TMEM41B: variants seen among roughly 807,000 people sequenced by gnomAD.
The protein encoded by TMEM41B is protein stasimon.
A neutral mutation model predicts 31.9 loss-of-function variants in TMEM41B; 18 were observed. That is an observed-to-expected ratio of 0.56 (90% CI 0.39 to 0.84). The LOEUF (loss-of-function observed/expected upper bound fraction) is 0.84, where lower values mean the gene tolerates loss of function less well. Ranked by LOEUF, TMEM41B falls within the 40% of genes least tolerant of loss-of-function variation. The pLI is 0.00. For synonymous variants in TMEM41B, 144 were observed against 124.3 expected (o/e 1.16, Z -1.05); for missense variants, 322 against 348.0 (o/e 0.93, Z 0.59).
intron 3 of TMEM41B, among the ~76,000 whole-genome samples, chr11:9,293,615 G>A (rs142060350): frequency 3.7e-4 from 56 of 151,486 alleles, no homozygotes; most frequent in African/African-American, 1.4e-3. Flanking sequence ...ATGGAATCTT[G>A]CTGTCACCAA....
chr11:9,314,203 G>A (rs12793955), intron 1 of TMEM41B, 118 bp downstream of exon 1: 24 of 1,306,622 alleles, frequency 1.8e-5, no homozygotes, highest in Non-Finnish European at 2.4e-5. Context: ...CTCCCGCCGC[G>A]GCGCCAGCAG....
intron 6 of TMEM41B, among the ~76,000 whole-genome samples, chr11:9,285,250 A>G (rs1852811308): frequency 6.6e-6 from 1 of 151,982 alleles, no homozygotes; most frequent in Admixed American, 6.6e-5. Context: ...ACATTCAGCT[A>G]ATTTTTGAAT....
intron 2 of TMEM41B, 39 bp from the exon 3 acceptor site, chr11:9,295,426 G>T: frequency 2.3e-6 from 3 of 1,280,352 alleles, no homozygotes; most frequent in Non-Finnish European, 3.3e-6. Context: ...ACAGAATTTT[G>T]CCAAGATAAT....
chr11:9,282,934 A>G lies in TMEM41B; in HGVS notation c.*490T>C, dbSNP rs1287700525. The G allele has an allele frequency of 1.5e-5, 1 of 68,452 alleles. No homozygotes were observed. Among genetic ancestry groups the G allele is most frequent in the East Asian group, 3.6e-4 (1 of 2,788 alleles). 4.2% of individuals were successfully genotyped at this position (68,452 alleles called of 1,614,324 possible). On this transcript the variant is annotated 3_prime_UTR_variant, in exon 7 of 7. Coordinates refer to ENST00000528080, the MANE Select transcript of TMEM41B (RefSeq NM_015012.4). ...GGGCGGCAGAGCTAGACTCCGTCTCAAAACAGAAAAAAAAAAAAAAAAAAA... is the reference window on the plus strand; with the variant it reads ...GGGCGGCAGAGCTAGACTCCGTCTCGAAACAGAAAAAAAAAAAAAAAAAAA...
intron 1 of TMEM41B, among the ~76,000 whole-genome samples, chr11:9,305,655 G>C (rs28599480): frequency 6.6e-6 from 1 of 152,006 alleles, no homozygotes; most frequent in Non-Finnish European, 1.5e-5. Flanking sequence ...ACTTCTTAAA[G>C]GTATGCTACT....
chr11:9,309,909 C>A (rs1194068147), intron 1 of TMEM41B, among the ~76,000 whole-genome samples: 1 of 141,088 alleles, frequency 7.1e-6, no homozygotes, highest in Non-Finnish European at 1.5e-5. Flanking sequence ...GGTGACAGAG[C>A]AAGACTCCAT....
chr11:9,297,893 T>A (rs950321599), intron 2 of TMEM41B, among the ~76,000 whole-genome samples: 1 of 150,162 alleles, frequency 6.7e-6, no homozygotes, highest in Non-Finnish European at 1.5e-5. Flanking sequence ...GCACCCACCC[T>A]GTCTCTACAA....
Position 9,283,264 on chromosome 11 carries a change from C to T in TMEM41B, c.*160G>A. On this transcript the variant is annotated 3_prime_UTR_variant, in exon 7 of 7. Coordinates refer to ENST00000528080, the MANE Select transcript of TMEM41B (RefSeq NM_015012.4). ...CAATTTCCATTTTTACTTTCTTCTC[C>T]CCTTGTCACTTAAATGTATTACTTT... 5.1e-6 allele frequency: 3 copies of T among 585,456 alleles called. No individual in the cohort carries two copies. Among genetic ancestry groups the T allele is most frequent in the Non-Finnish European group, 8.6e-6 (3 of 347,364 alleles). 36.3% of individuals were successfully genotyped at this position (585,456 alleles called of 1,614,324 possible).
intron 6 of TMEM41B, among the ~76,000 whole-genome samples, chr11:9,284,654 T>G (rs890915987): frequency 6.6e-6 from 1 of 151,776 alleles, no homozygotes; most frequent in East Asian, 1.9e-4. Flanking sequence ...TCCCAGCTAC[T>G]TGGGAGGCTG....
In TMEM41B at chr11:9,302,082, C is replaced by T. The variant is rs935269741; in HGVS notation, c.122-2381G>A. The stretch of plus-strand genomic sequence containing the variant: ...AGTGCAGTGGCACAATCTCAGCTCA[C>T]TGCAACCTCCGCCTCCCGGGTTCAC... On this transcript the variant is annotated intron_variant, in intron 1 of 6. Transcript: ENST00000528080. Among the ~76,000 whole-genome samples, 10 of 126,740 alleles carry T rather than the reference C, an allele frequency of 7.9e-5. 1 individual carries two copies. The highest frequency in any genetic ancestry group is 2.1e-4 in the African/African-American group (7 of 32,698). The allele number at this position is 126,740 out of a possible 152,430, so 83.1% of individuals were successfully genotyped here.
At chr11:9,309,226 A>G (rs1386118239) in intron 1 of TMEM41B, among the ~76,000 whole-genome samples, 2 of 148,042 alleles carry the variant, frequency 1.4e-5, no homozygotes, top group Non-Finnish European at 3.0e-5. Flanking sequence ...AGCCTGGGCA[A>G]AAAGAGTGAA....
intron 1 of TMEM41B, among the ~76,000 whole-genome samples, chr11:9,309,389 C>A (rs1323852359): frequency 6.6e-6 from 1 of 151,908 alleles, no homozygotes; most frequent in Non-Finnish European, 1.5e-5. Flanking sequence ...AGTGGGTTTT[C>A]TGTCGTAGAC....
At chr11:9,292,613 C>G (rs1488579083) in intron 3 of TMEM41B, among the ~76,000 whole-genome samples, 4 of 152,010 alleles carry the variant, frequency 2.6e-5, no homozygotes, top group African/African-American at 9.7e-5. Context: ...TCACTTGAGC[C>G]CAAGAGTTCC....
chr11:9,290,293 C>T (rs1051296297), intron 3 of TMEM41B, among the ~76,000 whole-genome samples: 11 of 152,274 alleles, frequency 7.2e-5, no homozygotes, highest in Admixed American at 7.2e-4. Flanking sequence ...AGGGGAATCG[C>T]TTGAACCCAG....
intron 1 of TMEM41B, among the ~76,000 whole-genome samples, chr11:9,308,689 G>A (rs527440115): frequency 1.3e-5 from 2 of 152,272 alleles, no homozygotes; most frequent in South Asian, 4.1e-4. Context: ...AACTGATTTA[G>A]CTCTATTCCT....
chr11:9,283,592 AC>A lies in TMEM41B; in HGVS notation c.707del (p.Gly236ValfsTer8). 6.3e-7 allele frequency: 1 copy of A among 1,597,866 alleles called. No individual in the cohort carries two copies. The highest frequency in any genetic ancestry group is 8.5e-7 in the Non-Finnish European group (1 of 1,175,958). On this transcript the variant is annotated frameshift_variant and splice_region_variant, in exon 7 of 7. Coordinates refer to ENST00000528080, the MANE Select transcript of TMEM41B (RefSeq NM_015012.4). LOFTEE classifies it high-confidence loss of function. ...LKVFFIGTFL[G>X]VAPPSFVAIK... is the part of the protein sequence containing the mutation. ...TGGCTACAAAAGAAGGAGGTGCGAC[AC>A]CTGAAATAAAATATAAAAAGATACA...
At position 9,288,872 on chromosome 11, in the gene TMEM41B, A is replaced by T. The variant is rs75144095; in HGVS notation, c.369-337T>A. Among the ~76,000 whole-genome samples the T allele has an allele frequency of 6.2e-3, 940 of 152,314 alleles. 11 individuals carry two copies. Among genetic ancestry groups the T allele is most frequent in the African/African-American group, 0.022 (900 of 41,576 alleles). ...ACTCCCAAATGTTTTCAGGGAAATC[A>T]TGTACATACAATTATTTCTAATTTA... On this transcript the variant is annotated intron_variant, in intron 3 of 6. Coordinates refer to ENST00000528080, the MANE Select transcript of TMEM41B (RefSeq NM_015012.4).
At chr11:9,290,001 T>A (rs1434087449) in intron 3 of TMEM41B, among the ~76,000 whole-genome samples, 1 of 151,944 alleles carries the variant, frequency 6.6e-6, no homozygotes, top group East Asian at 1.9e-4. Context: ...AGCCTCAAAT[T>A]TTCCACCTGT....
At position 9,288,117 on chromosome 11, in the gene TMEM41B, C is replaced by T. The variant is rs571959164; in HGVS notation, c.463-311G>A. The T allele has an allele frequency of 1.5e-5, 4 of 271,250 alleles. No homozygotes were observed. The South Asian group carries it at 1.5e-4, about 10-fold the overall frequency. 16.8% of individuals were successfully genotyped at this position (271,250 alleles called of 1,614,324 possible). ...ACCTCCCCCCGACCCTACCCCCGAC[C>T]CCCCCAGTTCCTAAGCTTGAAAACA... is the stretch of plus-strand genomic sequence containing the variant. On this transcript the variant is annotated intron_variant, in intron 4 of 6. Transcript: ENST00000528080.
Sources: allele counts gnomAD v4.1 joint callset (sites outside exome capture counted in the v4.1 genomes callset), GRCh38; gene constraint gnomAD v4.1.1; transcripts MANE v1.5; gene names NCBI Gene and HGNC (gene_info 2026-07-23, HGNC 2026-07-21).